Variants in AHR observed in about 807,000 individuals in gnomAD.
The protein encoded by AHR is aryl hydrocarbon receptor.
In AHR, 40 loss-of-function variants were observed where a neutral mutation model predicts 86.8. The observed-to-expected ratio is 0.46, with a 90% CI of 0.36 to 0.60. AHR has a LOEUF of 0.60. Ranked by LOEUF, AHR falls within the 20% of genes least tolerant of loss-of-function variation. The pLI is 0.00. For synonymous variants in AHR, 398 were observed against 354.9 expected, an observed-to-expected ratio of 1.12 and a Z score of -1.37; for missense variants, 1,001 against 1,011.6, an observed-to-expected ratio of 0.99 and a Z score of 0.14.
At chr7:17,331,528 A>C (rs967513778) in intron 6 of AHR, among the ~76,000 whole-genome samples, 1 of 151,940 alleles carries the variant, frequency 6.6e-6, no homozygotes, top group African/African-American at 2.4e-5. Flanking sequence ...GGTATGAGAG[A>C]ATTATGTAGC....
intron 2 of AHR, among the ~76,000 whole-genome samples, chr7:17,310,519 T>C (rs2115353272): frequency 6.6e-6 from 1 of 151,986 alleles, no homozygotes; most frequent in African/African-American, 2.4e-5. Context: ...CCCTCCAAAC[T>C]TACGTATATT....
intron 4 of AHR, among the ~76,000 whole-genome samples, chr7:17,329,419 G>A (rs534995740): frequency 4.6e-5 from 7 of 151,994 alleles, no homozygotes; most frequent in African/African-American, 1.4e-4. Context: ...ACTCAGCACC[G>A]TAGTAAATGG....
In AHR at chr7:17,339,484, C is replaced by A. The variant is rs777464266; in HGVS notation, c.1659C>A (p.Ile553=). 17 of 1,613,928 alleles carry A rather than the reference C, an allele frequency of 1.1e-5. No individual in the cohort carries two copies. Among genetic ancestry groups the A allele is most frequent in the Middle Eastern group, 1.6e-4 (1 of 6,084 alleles). ...MKNLGIDFED[I]RHMQNEKFFR... Reference sequence around the variant, plus strand: ...ACCTAGGCATTGATTTTGAAGACATCAGACACATGCAGAATGAAAAATTTT... The same window carrying A: ...ACCTAGGCATTGATTTTGAAGACATAAGACACATGCAGAATGAAAAATTTT... Residue 553 remains isoleucine (I), a synonymous_variant, in exon 10 of 11, where the codon ATC becomes ATA. Coordinates refer to ENST00000242057, the MANE Select transcript of AHR (RefSeq NM_001621.5).
At chr7:17,342,160 T>C (rs116607854) in intron 10 of AHR, among the ~76,000 whole-genome samples, 1,615 of 152,262 alleles carry the variant, frequency 0.011, 17 homozygotes, top group Middle Eastern at 0.034. Flanking sequence ...TAATCTGTTT[T>C]AAAGTTTCCA....
intron 6 of AHR, among the ~76,000 whole-genome samples, chr7:17,331,320 A>T (rs1782286516): frequency 1.3e-5 from 2 of 151,908 alleles, no homozygotes; most frequent in South Asian, 4.1e-4. Context: ...AAACAAGCCA[A>T]TTTTCTTTGG....
chr7:17,335,596 C>T (rs929759640), intron 8 of AHR, 49 bp from the exon 9 acceptor site: 3 of 1,458,018 alleles, frequency 2.1e-6, no homozygotes, highest in African/African-American at 2.9e-5. Flanking sequence ...ATAATCTTTA[C>T]TATATTGATT....
At chr7:17,321,631 AAAG>A (rs1402872164) in intron 2 of AHR, among the ~76,000 whole-genome samples, 40 of 130,756 alleles carry the variant, frequency 3.1e-4, no homozygotes, top group African/African-American at 1.0e-3. Context: ...TGAGGAAAAA[AAAG>A]AAGAGATAGC....
At chr7:17,335,985 CTA>C in intron 9 of AHR, 199 bp downstream of exon 9, 2 of 474,256 alleles carry the variant, frequency 4.2e-6, no homozygotes, top group Non-Finnish European at 7.3e-6. Flanking sequence ...ATGTGCAGAG[CTA>C]TAGAAAGAAT....
chr7:17,322,904 G>A (rs532292912), intron 3 of AHR, among the ~76,000 whole-genome samples: 2 of 152,146 alleles, frequency 1.3e-5, no homozygotes, highest in African/African-American at 4.8e-5. Flanking sequence ...CTTACCATGT[G>A]TTAAAATTGC....
At chr7:17,330,650 C>A in intron 5 of AHR, 106 bp from the exon 6 acceptor site, 1 of 1,008,000 alleles carries the variant, frequency 9.9e-7, no homozygotes, top group Non-Finnish European at 1.3e-6. Context: ...TTTTTGTATT[C>A]AGAACACAGA....
intron 1 of AHR, 91 bp downstream of exon 1, chr7:17,299,420 C>A: frequency 2.8e-6 from 4 of 1,414,262 alleles, no homozygotes; most frequent in Non-Finnish European, 3.9e-6. Flanking sequence ...CAAATCCCTG[C>A]GATCCTGGGA....
intron 2 of AHR, among the ~76,000 whole-genome samples, chr7:17,311,409 A>G (rs1450217929): frequency 6.6e-6 from 1 of 152,180 alleles, no homozygotes; most frequent in African/African-American, 2.4e-5. Context: ...GGTCTAGGTC[A>G]CTAGGAAGTG....
At chr7:17,341,572 A>G (rs556624461) in intron 10 of AHR, among the ~76,000 whole-genome samples, 5 of 152,164 alleles carry the variant, frequency 3.3e-5, no homozygotes, top group Non-Finnish European at 2.9e-5. Context: ...CTCAATATTG[A>G]GCCACTGAGT....
At chr7:17,328,695 T>G (rs1008212698) in intron 4 of AHR, among the ~76,000 whole-genome samples, 1 of 152,040 alleles carries the variant, frequency 6.6e-6, no homozygotes, top group Middle Eastern at 3.4e-3. Context: ...AACAGTTATA[T>G]AGACTAGAGC....
intron 2 of AHR, 96 bp downstream of exon 2, chr7:17,310,219 G>A (rs535242283): frequency 4.0e-5 from 48 of 1,199,208 alleles, no homozygotes; most frequent in African/African-American, 1.2e-4. Context: ...AAAATTAGCC[G>A]TATTTGGAAA....
intron 2 of AHR, among the ~76,000 whole-genome samples, chr7:17,317,257 A>G (rs1217338905): frequency 6.6e-6 from 1 of 151,066 alleles, no homozygotes; most frequent in Non-Finnish European, 1.5e-5. Flanking sequence ...TCCCCTTTTG[A>G]TATAATACAT....
In AHR at chr7:17,299,173, C is replaced by A; in HGVS notation, c.-92C>A. On this transcript the variant is annotated 5_prime_UTR_variant, in exon 1 of 11. Coordinates refer to ENST00000242057, the MANE Select transcript of AHR (RefSeq NM_001621.5). Reference sequence around the variant, plus strand: ...GCGGGCGCGGCTTCGCGGAACCCGGCGCCGGCCGCCGCAGTGGTCCCAGCC... The same window carrying A: ...GCGGGCGCGGCTTCGCGGAACCCGGAGCCGGCCGCCGCAGTGGTCCCAGCC... 1 of 1,392,100 alleles carries A rather than the reference C, an allele frequency of 7.2e-7. No individual in the cohort carries two copies. Among genetic ancestry groups the A allele is most frequent in the Non-Finnish European group, 9.5e-7 (1 of 1,053,572 alleles). 86.2% of individuals were successfully genotyped at this position (1,392,100 alleles called of 1,614,324 possible).
intron 6 of AHR, among the ~76,000 whole-genome samples, chr7:17,333,639 G>A (rs1185219823): frequency 6.6e-6 from 1 of 151,904 alleles, no homozygotes. Context: ...GTAATGGCAA[G>A]CTTGGAAAAT....
chr7:17,308,903 A>T (rs984301727), intron 1 of AHR, among the ~76,000 whole-genome samples: 1 of 152,236 alleles, frequency 6.6e-6, no homozygotes, highest in African/African-American at 2.4e-5. Context: ...ACAAAAGCTG[A>T]TATAATTCCA....
Sources: gnomAD v4.1 joint callset for allele counts (sites outside exome capture counted in the v4.1 genomes callset) on GRCh38, gnomAD v4.1.1 for gene constraint, MANE v1.5 for transcripts, NCBI Gene and HGNC (gene_info 2026-07-23, HGNC 2026-07-21) for gene names.